The following FUT8 variants were observed in gnomAD, a reference collection of about 807,000 sequenced individuals.
The protein encoded by FUT8 is alpha-(1,6)-fucosyltransferase.
A neutral mutation model predicts 71.3 loss-of-function variants in FUT8; 29 were observed. That is an observed-to-expected ratio of 0.41 (90% CI 0.30 to 0.55). The LOEUF is 0.55. FUT8 is among the 20% of genes least tolerant of loss of function. FUT8 has a pLI of 0.34. For synonymous variants in FUT8, 254 were observed against 239.3 expected (o/e 1.06, Z -0.57); for missense variants, 544 against 702.1 (o/e 0.77, Z 2.55).
intron 9 of FUT8, among the ~76,000 whole-genome samples, chr14:65,727,283 A>G (rs1895732825): frequency 6.6e-6 from 1 of 152,074 alleles, no homozygotes; most frequent in Non-Finnish European, 1.5e-5. Flanking sequence ...TTGCTTCTCT[A>G]CTGCCCTAGC....
the FUT8 span, among the ~76,000 whole-genome samples, chr14:65,392,090 G>A: frequency 3.4e-4 from 52 of 151,622 alleles, no homozygotes; most frequent in African/African-American, 1.2e-3. Flanking sequence ...GTGCCACCAC[G>A]CCTGACTAAT....
At chr14:65,601,180 A>G (rs916072759) in intron 3 of FUT8, among the ~76,000 whole-genome samples, 2 of 152,184 alleles carry the variant, frequency 1.3e-5, no homozygotes, top group African/African-American at 4.8e-5. Flanking sequence ...AAATAAATAA[A>G]TTCACACTTT....
Position 65,574,634 on chromosome 14 carries a change from G to A in FUT8, c.203+12868G>A, listed in dbSNP as rs1886659920. On this transcript the variant is annotated intron_variant, in intron 3 of 10. Transcript: ENST00000673929. This position sits in a 1 kb window ranked among gnomAD's most constrained non-coding sequence, Gnocchi z 5.2. ...ATATATTTTTAATTAAACATGAAAA[G>A]CTTTAAATGGTGCTTCTTGTCTGTT... Among the ~76,000 whole-genome samples, 1 of 152,168 alleles carries A rather than the reference G, an allele frequency of 6.6e-6. No individual in the cohort carries two copies. Among genetic ancestry groups the A allele is most frequent in the Non-Finnish European group, 1.5e-5 (1 of 68,038 alleles).
the FUT8 span, among the ~76,000 whole-genome samples, chr14:65,371,424 T>A: frequency 1.3e-5 from 2 of 152,264 alleles, no homozygotes; most frequent in Non-Finnish European, 2.9e-5. Flanking sequence ...ATTCAAGTTT[T>A]AGTAGTTGTC....
intron 7 of FUT8, among the ~76,000 whole-genome samples, chr14:65,714,896 CAT>C (rs1386172980): frequency 6.6e-6 from 1 of 151,942 alleles, no homozygotes; most frequent in Non-Finnish European, 1.5e-5. Context: ...TCACTGTTGA[CAT>C]ATAGAAATGC....
rs566850177 is a variant in FUT8, at chr14:65,643,554, T to C, written c.597+13948T>C. Among the ~76,000 whole-genome samples the C allele has an allele frequency of 1.0e-3, 153 of 152,136 alleles. No individual in the cohort carries two copies. Among genetic ancestry groups the C allele is most frequent in the Non-Finnish European group, 1.9e-3 (127 of 67,988 alleles). ...CTGTAGTCTCAGCTACTCAGGAGGC[T>C]GAGGCAGGAGAATGGCGTGAACCTG... On this transcript the variant is annotated intron_variant, in intron 6 of 10. Coordinates refer to ENST00000673929, the MANE Select transcript of FUT8 (RefSeq NM_001371533.1). This position sits in a 1 kb window ranked among gnomAD's most constrained non-coding sequence, Gnocchi z 4.5.
At chr14:65,421,850 C>G (rs1365849798) in intron 1 of FUT8, among the ~76,000 whole-genome samples, 1 of 150,124 alleles carries the variant, frequency 6.7e-6, no homozygotes, top group Non-Finnish European at 1.5e-5. Context: ...ACAGTCTTCT[C>G]CAGCAGGAAT....
At chr14:65,397,766 A>G in the FUT8 span, among the ~76,000 whole-genome samples, 6 of 152,230 alleles carry the variant, frequency 3.9e-5, no homozygotes, top group Non-Finnish European at 7.3e-5. The surrounding 1 kb of genome is among the most constrained non-coding windows in gnomAD (Gnocchi z 4.2). Flanking sequence ...TGTTTTTATT[A>G]ATTCTTCTTA....
chr14:65,640,861 C>A (rs958281319), intron 6 of FUT8, among the ~76,000 whole-genome samples: 1 of 152,030 alleles, frequency 6.6e-6, no homozygotes, highest in African/African-American at 2.4e-5. Flanking sequence ...AAAAACCTAA[C>A]TTGAATTGAC....
chr14:65,519,727 G>T (rs1882957003), intron 2 of FUT8, among the ~76,000 whole-genome samples: 1 of 151,980 alleles, frequency 6.6e-6, no homozygotes, highest in South Asian at 2.1e-4. Context: ...GTTAACCAGA[G>T]TTCACTTTGA....
At chr14:65,443,616 A>G (rs1035931983) in intron 1 of FUT8, among the ~76,000 whole-genome samples, 3 of 151,822 alleles carry the variant, frequency 2.0e-5, no homozygotes, top group African/African-American at 7.3e-5. Context: ...GCTACTTGGG[A>G]AACTAAAGCA....
chr14:65,642,166 C>T (rs1019713013), intron 6 of FUT8, among the ~76,000 whole-genome samples: 1 of 152,124 alleles, frequency 6.6e-6, no homozygotes, highest in African/African-American at 2.4e-5. Context: ...TTAGCTCTTA[C>T]ATTTAGGTCT....
rs1271359147 is a variant in FUT8 at position 65,627,213 on chromosome 14, G to A, written c.483-2279G>A. 2.0e-5 allele frequency among the ~76,000 whole-genome samples: 3 copies of A among 152,062 alleles called. No individual in the cohort carries two copies. Among genetic ancestry groups the A allele is most frequent in the Non-Finnish European group, 2.9e-5 (2 of 68,028 alleles). On this transcript the variant is annotated intron_variant, in intron 5 of 10. Coordinates refer to ENST00000673929, the MANE Select transcript of FUT8 (RefSeq NM_001371533.1). The surrounding 1 kb of genome is among the most constrained non-coding windows in gnomAD (Gnocchi z 4.0). ...AGAAAGATAAGAAGTAAGTAATATTGTATATTGGAAAATGATAACTGCTTA... is the reference window on the plus strand; with the variant it reads ...AGAAAGATAAGAAGTAAGTAATATTATATATTGGAAAATGATAACTGCTTA...
intron 2 of FUT8, among the ~76,000 whole-genome samples, chr14:65,491,023 T>G (rs1262193237): frequency 1.3e-5 from 2 of 152,140 alleles, no homozygotes; most frequent in African/African-American, 4.8e-5. Flanking sequence ...AATTTAACAC[T>G]TTTAGTTAGA....
intron 7 of FUT8, among the ~76,000 whole-genome samples, chr14:65,704,092 AT>A (rs1158789705): frequency 6.6e-6 from 1 of 152,192 alleles, no homozygotes; most frequent in African/African-American, 2.4e-5. Flanking sequence ...ACATAATTGG[AT>A]GATAATTTAG....
chr14:65,675,283 T>C (rs1273771935), intron 7 of FUT8, among the ~76,000 whole-genome samples: 1 of 152,238 alleles, frequency 6.6e-6, no homozygotes, highest in South Asian at 2.1e-4. Flanking sequence ...CTGTAAGTGC[T>C]TCTCAGATTG....
At chr14:65,582,636 C>T (rs569156867) in intron 3 of FUT8, among the ~76,000 whole-genome samples, 1 of 152,198 alleles carries the variant, frequency 6.6e-6, no homozygotes, top group East Asian at 1.9e-4. Flanking sequence ...GTTCACCCAG[C>T]AGCCATGGCC....
Position 65,483,540 on chromosome 14 carries a change from A to G in FUT8, c.-228+27822A>G, listed in dbSNP as rs893828001. On this transcript the variant is annotated intron_variant, in intron 2 of 10. Transcript: ENST00000673929. The surrounding 1 kb of genome is among the most constrained non-coding windows in gnomAD (Gnocchi z 4.4). ...TAGATGAATTTGAGGGACAGTTGAC[A>G]TCTTAACGATATCAAGTCTTCTGAC... Among the ~76,000 whole-genome samples, 3 of 152,228 alleles carry G rather than the reference A, an allele frequency of 2.0e-5. No individual in the cohort carries two copies. The East Asian group carries it at 5.8e-4, about 29-fold the overall frequency.
rs1425275581 is a variant in FUT8 at position 65,660,152 on chromosome 14, G to A, written c.598-9091G>A. Among the ~76,000 whole-genome samples, 1 of 152,050 alleles carries A rather than the reference G, an allele frequency of 6.6e-6. No individual in the cohort carries two copies. The highest frequency in any genetic ancestry group is 1.5e-5 in the Non-Finnish European group (1 of 67,980). On this transcript the variant is annotated intron_variant, in intron 6 of 10. Transcript: ENST00000673929. This position sits in a 1 kb window ranked among gnomAD's most constrained non-coding sequence, Gnocchi z 4.1. ...TTCCTTTGTGGCCCTTCTGATGGCAGAAAAATATTACCAAGGTTATTCTAG... is the reference window on the plus strand; with the variant it reads ...TTCCTTTGTGGCCCTTCTGATGGCAAAAAAATATTACCAAGGTTATTCTAG...
Sources: allele counts gnomAD v4.1 joint callset (sites outside exome capture counted in the v4.1 genomes callset), GRCh38; gene constraint gnomAD v4.1.1; non-coding constraint Gnocchi (gnomAD v3.1); transcripts MANE v1.5; gene names NCBI Gene and HGNC (gene_info 2026-07-23, HGNC 2026-07-21).